RYR1: variants seen among roughly 807,000 people sequenced by gnomAD.
RYR1 encodes the protein ryanodine receptor 1.
In RYR1, 342 loss-of-function variants were observed where a neutral mutation model predicts 583.5. The observed-to-expected ratio is 0.59, with a 90% CI of 0.54 to 0.64. RYR1 has a LOEUF of 0.64. Ranked by LOEUF, RYR1 falls within the 30% of genes least tolerant of loss-of-function variation. The pLI, the probability that RYR1 is intolerant of heterozygous loss-of-function variation, is 0.00. For synonymous variants in RYR1, 2,791 were observed against 2,822.5 expected (o/e 0.99, Z 0.35); for missense variants, 6,032 against 6,917.2 (o/e 0.87, Z 4.54).
At chr19:38,459,463 G>A (rs1329613559) in intron 19 of RYR1, 125 bp downstream of exon 19, 2 of 903,330 alleles carry the variant, frequency 2.2e-6, no homozygotes, top group African/African-American at 3.3e-5. Flanking sequence ...AGACTGACTG[G>A]TGTCCAGAAC....
chr19:38,461,781 G>A (rs1967767533), intron 20 of RYR1, among the ~76,000 whole-genome samples: 2 of 148,862 alleles, frequency 1.3e-5, no homozygotes, highest in African/African-American at 4.9e-5. Context: ...AAGGCTGGGT[G>A]TGGTGGCTCA....
chr19:38,519,563 GC>G, intron 67 of RYR1, 109 bp downstream of exon 67: 1 of 1,310,646 alleles, frequency 7.6e-7, no homozygotes, highest in Non-Finnish European at 1.1e-6. Context: ...CAATGCTCTG[GC>G]CCCACCAACC....
chr19:38,536,389 T>C (rs1230384474), intron 82 of RYR1, among the ~76,000 whole-genome samples: 5 of 151,084 alleles, frequency 3.3e-5, no homozygotes, highest in Admixed American at 3.3e-4. Context: ...TGTTCTCTTA[T>C]TAATGTCCCT....
At chr19:38,494,311 C>T (rs564398400) in intron 38 of RYR1, 41 bp from the exon 39 acceptor site, 99 of 1,610,320 alleles carry the variant, frequency 6.1e-5, no homozygotes, top group Non-Finnish European at 8.2e-5. Context: ...TGCCGACCTG[C>T]CCTGCATGGT....
chr19:38,451,891 C>T lies in RYR1; in HGVS notation c.1244+6C>T. 1.9e-6 allele frequency: 3 copies of T among 1,614,084 alleles called. No homozygotes were observed. The highest frequency in any genetic ancestry group is 2.2e-5 in the South Asian group (2 of 91,078). ...CTATACAACCAGTTCATCAAGTGAG[C>T]AACCTGCCCTCCCTGCTGGGGTGAC... On this transcript the variant is annotated splice_donor_region_variant and intron_variant, in intron 12 of 105. Coordinates refer to ENST00000359596, the MANE Select transcript of RYR1 (RefSeq NM_000540.3).
In RYR1 at chr19:38,496,534, C is replaced by T. The variant is rs112051106; in HGVS notation, c.6789C>T (p.Ile2263=). 56 of 1,613,240 alleles carry T rather than the reference C, an allele frequency of 3.5e-5. No homozygotes were observed. The East Asian group carries it at 4.7e-4, about 13-fold the overall frequency. The change falls in exon 41 of 106, where the codon ATC becomes ATT. Residue 2263 remains isoleucine, a synonymous_variant. Coordinates refer to ENST00000359596, the MANE Select transcript of RYR1 (RefSeq NM_000540.3). The surrounding 1 kb of genome is among the most constrained non-coding windows in gnomAD (Gnocchi z 4.8). ...HLSYLLENSG[I]GLGMQGSTPL... Reference sequence around the variant, plus strand: ...GCTACCTGCTGGAGAACAGTGGCATCGGCCTGGGTGAGAACCCCCGAGCCC... The same window carrying T: ...GCTACCTGCTGGAGAACAGTGGCATTGGCCTGGGTGAGAACCCCCGAGCCC...
chr19:38,459,074 G>A (rs1048825056), intron 18 of RYR1, 72 bp from the exon 19 acceptor site: 1 of 1,350,862 alleles, frequency 7.4e-7, no homozygotes, highest in Non-Finnish European at 1.1e-6. Context: ...TCCAATATCT[G>A]TCCCTTTTCT....
intron 7 of RYR1, among the ~76,000 whole-genome samples, chr19:38,446,258 A>C (rs1243664547): frequency 2.6e-5 from 4 of 152,164 alleles, no homozygotes; most frequent in Admixed American, 2.0e-4. Flanking sequence ...CCCCCAAATT[A>C]GGTGCCCAGC....
intron 10 of RYR1, 35 bp downstream of exon 10, chr19:38,448,546 A>C (rs1346201106): frequency 3.1e-6 from 5 of 1,614,074 alleles, no homozygotes; most frequent in Non-Finnish European, 4.2e-6. Flanking sequence ...CCTCACCTGA[A>C]GCCCCCAGTC....
intron 89 of RYR1, among the ~76,000 whole-genome samples, chr19:38,550,539 C>T (rs557555011): frequency 3.7e-4 from 56 of 152,214 alleles, no homozygotes; most frequent in African/African-American, 1.3e-3. Flanking sequence ...GAGTCAGAGT[C>T]TTGCTCTATT....
intron 20 of RYR1, 78 bp downstream of exon 20, chr19:38,460,669 CATGCCTGTA>C: frequency 7.4e-7 from 1 of 1,350,318 alleles, no homozygotes. Context: ...TGCCATCGTT[CATGCCTGTA>C]ATCCCAGCAC....
At chr19:38,474,907 A>G (rs1968635942) in intron 28 of RYR1, among the ~76,000 whole-genome samples, 1 of 152,026 alleles carries the variant, frequency 6.6e-6, no homozygotes, top group Admixed American at 6.5e-5. Context: ...TGGTCATTAC[A>G]GTTTGGGAGG....
At position 38,502,520 on chromosome 19, in the gene RYR1, C is replaced by T. The variant is rs1471770301; in HGVS notation, c.7628C>T (p.Thr2543Ile). 16 of 1,607,766 alleles carry T rather than the reference C, an allele frequency of 1.0e-5. No individual in the cohort carries two copies. The highest frequency in any genetic ancestry group is 1.3e-5 in the Non-Finnish European group (15 of 1,179,550). The change falls in exon 48 of 106, where the codon ACC becomes ATC. Residue 2543 changes from threonine (T) to isoleucine (I), a missense_variant. By Grantham distance (89) the Thr-to-Ile change is moderately conservative. Coordinates refer to ENST00000359596, the MANE Select transcript of RYR1 (RefSeq NM_000540.3). ...CCTGCGCCCTAGGCCACTTTCAGCA[C>T]CACCGAGATGGCGCTGGCGCTGAAC... ...AASLDTATFS[T>I]TEMALALNRY...
At chr19:38,577,614 C>T (rs1568601292) in intron 97 of RYR1, among the ~76,000 whole-genome samples, 1 of 151,946 alleles carries the variant, frequency 6.6e-6, no homozygotes, top group African/African-American at 2.4e-5. Context: ...CTGACCAACA[C>T]AGAGAAACCC....
chr19:38,570,006 A>C (rs897993690), intron 93 of RYR1, among the ~76,000 whole-genome samples: 1 of 152,118 alleles, frequency 6.6e-6, no homozygotes, highest in Non-Finnish European at 1.5e-5. Context: ...TCTACTGAAA[A>C]TACAAAAACT....
Position 38,490,648 on chromosome 19 carries a change from G to C in RYR1, c.6043G>C (p.Gly2015Arg), listed in dbSNP as rs751024229. Residue 2015 changes from glycine (G) to arginine (R), a missense_variant, in exon 37 of 106, where the codon GGT becomes CGT. This residue lies in a region of RYR1 where 2,627 missense variants were observed against 2,961.3 expected (regional missense o/e 0.89). Transcript: ENST00000359596. ...QINMLLQFKD[G>R]TDEEDCPLPE... ...CAATATGCTATTGCAATTCAAAGATGGTACAGATGAGGAAGACTGTCCTCT... is the reference window on the plus strand; with the variant it reads ...CAATATGCTATTGCAATTCAAAGATCGTACAGATGAGGAAGACTGTCCTCT... The C allele has an allele frequency of 1.9e-6, 3 of 1,612,916 alleles. No homozygotes were observed. In the South Asian group the frequency reaches 3.3e-5, roughly 18 times the overall value.
chr19:38,497,587 G>T (rs544681761), intron 42 of RYR1, among the ~76,000 whole-genome samples: 1 of 152,322 alleles, frequency 6.6e-6, no homozygotes. Context: ...TTGTAAAGGG[G>T]CAGTCAGTAA....
chr19:38,537,061 C>T, intron 83 of RYR1: 1 of 543,620 alleles, frequency 1.8e-6, no homozygotes, highest in Non-Finnish European at 3.3e-6. Context: ...GATCTCTTTC[C>T]AGCTGGATAT....
chr19:38,567,754 T>C lies in RYR1; in HGVS notation c.13515-19T>C. 2 of 1,614,086 alleles carry C rather than the reference T, an allele frequency of 1.2e-6. No homozygotes were observed. The highest frequency in any genetic ancestry group is 8.5e-7 in the Non-Finnish European group (1 of 1,180,006). On this transcript the variant is annotated intron_variant, in intron 92 of 105. Coordinates refer to ENST00000359596, the MANE Select transcript of RYR1 (RefSeq NM_000540.3). The stretch of plus-strand genomic sequence containing the variant: ...GCCTGCCCAGGCACCTCCTGACCTC[T>C]CTCTGTCCTGCCCTGCAGTGCCGAG...
Sources: allele counts gnomAD v4.1 joint callset (sites outside exome capture counted in the v4.1 genomes callset), GRCh38; gene constraint gnomAD v4.1.1; regional missense constraint gnomAD v4.1.1; non-coding constraint Gnocchi (gnomAD v3.1); transcripts MANE v1.5; gene names NCBI Gene and HGNC (gene_info 2026-07-23, HGNC 2026-07-21).